Variants in ZNF462 observed in about 807,000 individuals in gnomAD.
The protein encoded by ZNF462 is zinc finger protein 462.
A neutral mutation model predicts 201.9 loss-of-function variants in ZNF462; 10 were observed. The ratio of observed to expected loss-of-function variants is 0.05; its 90% CI spans 0.03 to 0.08. The LOEUF (loss-of-function observed/expected upper bound fraction) is 0.08. ZNF462 is among the 10% of genes least tolerant of loss of function. The pLI, the probability that ZNF462 is intolerant of heterozygous loss-of-function variation, is 1.00. For synonymous variants in ZNF462, 1,227 were observed against 1,193.3 expected, an observed-to-expected ratio of 1.03 and a Z score of -0.58; for missense variants, 2,523 against 3,168.3, an observed-to-expected ratio of 0.80 and a Z score of 4.89.
intron 9 of ZNF462, among the ~76,000 whole-genome samples, chr9:106,980,887 G>A (rs1039399682): frequency 2.6e-5 from 4 of 152,160 alleles, no homozygotes; most frequent in Non-Finnish European, 5.9e-5. Context: ...CATAGAAAAA[G>A]CCCTGAGCAC....
chr9:106,953,019 A>T (rs1831420264), intron 7 of ZNF462, among the ~76,000 whole-genome samples: 2 of 152,178 alleles, frequency 1.3e-5, no homozygotes, highest in South Asian at 4.1e-4. Context: ...GGCAAATCTT[A>T]AAAAGGTTAT....
At position 106,924,012 on chromosome 9, in the gene ZNF462, G is replaced by T; in HGVS notation, c.221-121G>T. ...AATACTCTTCAAGGCCTCATCTTGA[G>T]ACTTCAGGCCTTTTGCATGTGATGT... On this transcript the variant is annotated intron_variant, in intron 2 of 12. Coordinates refer to ENST00000277225, the MANE Select transcript of ZNF462 (RefSeq NM_021224.6). This position sits in a 1 kb window ranked among gnomAD's most constrained non-coding sequence, Gnocchi z 6.2. 1.2e-6 allele frequency: 1 copy of T among 827,540 alleles called. No individual in the cohort carries two copies. Among genetic ancestry groups the T allele is most frequent in the Non-Finnish European group, 1.9e-6 (1 of 539,900 alleles). 51.3% of individuals were successfully genotyped at this position (827,540 alleles called of 1,614,324 possible).
Position 106,932,213 on chromosome 9 carries a change from T to C in ZNF462, c.6013-233T>C. Reference sequence around the variant, plus strand: ...AAAAGAAAGCTGGAGGCAATGATGATGGATATTTATTTTGTTGGTGGGGCA... The same window carrying C: ...AAAAGAAAGCTGGAGGCAATGATGACGGATATTTATTTTGTTGGTGGGGCA... On this transcript the variant is annotated intron_variant, in intron 4 of 12. Coordinates refer to ENST00000277225, the MANE Select transcript of ZNF462 (RefSeq NM_021224.6). The surrounding 1 kb of genome is among the most constrained non-coding windows in gnomAD (Gnocchi z 6.8). The C allele has an allele frequency of 6.5e-7, 1 of 1,544,552 alleles. No homozygotes were observed. The highest frequency in any genetic ancestry group is 8.7e-7 in the Non-Finnish European group (1 of 1,145,566).
Position 106,926,626 on chromosome 9 carries a change from A to T in ZNF462, c.2714A>T (p.Tyr905Phe). Residue 905 changes from tyrosine to phenylalanine, a missense_variant, in exon 3 of 13, where the codon TAT (tyrosine) becomes TTT (phenylalanine). Tyr to Phe is a conservative substitution (Grantham distance 22). This residue lies in a region of ZNF462 where 280 missense variants were observed against 321.3 expected (regional missense o/e 0.87). Coordinates refer to ENST00000277225, the MANE Select transcript of ZNF462 (RefSeq NM_021224.6). The surrounding 1 kb of genome is among the most constrained non-coding windows in gnomAD (Gnocchi z 7.9). Reference protein sequence around the residue: ...YTNFEDLQQHYGEHHPEAMNV... With the variant: ...YTNFEDLQQHFGEHHPEAMNV... The stretch of plus-strand genomic sequence containing the variant: ...AACTTCGAAGATCTCCAGCAGCATT[A>T]TGGCGAGCACCACCCAGAAGCCATG... 1 of 1,614,134 alleles carries T rather than the reference A, an allele frequency of 6.2e-7. No homozygotes were observed. The highest frequency in any genetic ancestry group is 8.5e-7 in the Non-Finnish European group (1 of 1,180,034).
chr9:107,011,091 G>A lies in ZNF462; in HGVS notation c.*61G>A. On this transcript the variant is annotated 3_prime_UTR_variant, in exon 13 of 13. Transcript: ENST00000277225. This position sits in a 1 kb window ranked among gnomAD's most constrained non-coding sequence, Gnocchi z 5.6. ...ACAGTGATGAAAAAGTGGGAGGGCT[G>A]GCTTGGGCTGAGAAGGGAGGGACAG... 6.4e-7 allele frequency: 1 copy of A among 1,557,322 alleles called. No individual in the cohort carries two copies.
chr9:106,998,983 G>A (rs1181640176), intron 10 of ZNF462, among the ~76,000 whole-genome samples: 1 of 152,164 alleles, frequency 6.6e-6, no homozygotes, highest in Non-Finnish European at 1.5e-5. Context: ...GACCTTGAGT[G>A]AATGGGCATT....
intron 10 of ZNF462, among the ~76,000 whole-genome samples, chr9:106,992,819 AT>A (rs1313952763): frequency 6.6e-6 from 1 of 152,082 alleles, no homozygotes; most frequent in Admixed American, 6.6e-5. Context: ...TAATAGATAA[AT>A]TTTATGGTAG....
chr9:107,007,585 G>A (rs781321796), intron 11 of ZNF462, among the ~76,000 whole-genome samples: 23 of 152,112 alleles, frequency 1.5e-4, no homozygotes, highest in Non-Finnish European at 2.9e-5. Context: ...CTTCCCCCTC[G>A]CCGATCCTTG....
Position 106,927,730 on chromosome 9 carries a change from C to G in ZNF462, c.3818C>G (p.Thr1273Ser), listed in dbSNP as rs536091643. The G allele has an allele frequency of 6.2e-7, 1 of 1,614,074 alleles. No homozygotes were observed. The change falls in exon 3 of 13, where the codon ACC (threonine) becomes AGC (serine). Residue 1273 changes from threonine to serine, a missense_variant. By Grantham distance (58) the Thr-to-Ser change is moderately conservative (BLOSUM62 1). Coordinates refer to ENST00000277225, the MANE Select transcript of ZNF462 (RefSeq NM_021224.6). ...CTCAAATGTAGGCAGTGCTCATATA[C>G]CTCCCCCTACTTCTATGCACTGAGG... is the stretch of plus-strand genomic sequence containing the variant. ...RALKCRQCSY[T>S]SPYFYALRKH...
rs1226775288 is a variant in ZNF462, at chr9:106,962,525, T to TCTTTGAG, written c.6428-9479_6428-9473dup. On this transcript the variant is annotated intron_variant, in intron 7 of 12. Coordinates refer to ENST00000277225, the MANE Select transcript of ZNF462 (RefSeq NM_021224.6). This position sits in a 1 kb window ranked among gnomAD's most constrained non-coding sequence, Gnocchi z 4.6. ...ACATGAGGCTTCACACAAAATAAGG[T>TCTTTGAG]CTTTGAGAAACCTTTTCAGTGAATG... Among the ~76,000 whole-genome samples, 2 of 151,862 alleles carry TCTTTGAG rather than the reference T, an allele frequency of 1.3e-5. No individual in the cohort carries two copies. Among genetic ancestry groups the TCTTTGAG allele is most frequent in the Non-Finnish European group, 2.9e-5 (2 of 67,952 alleles).
At position 106,880,342 on chromosome 9, in the gene ZNF462, C is replaced by T. The variant is rs1828036210; in HGVS notation, c.-31+16987C>T. Among the ~76,000 whole-genome samples the T allele has an allele frequency of 6.6e-6, 1 of 152,246 alleles. No homozygotes were observed. The highest frequency in any genetic ancestry group is 2.4e-5 in the African/African-American group (1 of 41,468). On this transcript the variant is annotated intron_variant, in intron 1 of 12. Transcript: ENST00000277225. This position sits in a 1 kb window ranked among gnomAD's most constrained non-coding sequence, Gnocchi z 4.1. The stretch of plus-strand genomic sequence containing the variant: ...AGACTGAACAGTTTGCCTGTGAGAA[C>T]TTAACAGTGCAGAAATGAATTCCTT...
intron 7 of ZNF462, among the ~76,000 whole-genome samples, chr9:106,956,625 A>G (rs1395652571): frequency 7.3e-6 from 1 of 137,434 alleles, no homozygotes; most frequent in African/African-American, 3.4e-5. Context: ...TCTTCTTCCA[A>G]TAAAAGTCTG....
chr9:106,875,764 A>G (rs992591959), intron 1 of ZNF462, among the ~76,000 whole-genome samples: 3 of 152,178 alleles, frequency 2.0e-5, no homozygotes, highest in Admixed American at 6.5e-5. Flanking sequence ...ACTGGGCCAG[A>G]TTGTCATTTG....
rs1303712508 is a variant in ZNF462, at chr9:107,012,109, T to C, written c.*1079T>C. 1 of 113,482 alleles carries C rather than the reference T, an allele frequency of 8.8e-6. No individual in the cohort carries two copies. Among genetic ancestry groups the C allele is most frequent in the Non-Finnish European group, 1.9e-5 (1 of 53,176 alleles). 7.0% of individuals were successfully genotyped at this position (113,482 alleles called of 1,614,324 possible). On this transcript the variant is annotated 3_prime_UTR_variant, in exon 13 of 13. Transcript: ENST00000277225. Reference sequence around the variant, plus strand: ...AATAACAAAGAAGTTAACTTTCTTTTTTTTTTTTTTTTTTTTTTTTAATTT... The same window carrying C: ...AATAACAAAGAAGTTAACTTTCTTTCTTTTTTTTTTTTTTTTTTTTAATTT...
intron 1 of ZNF462, among the ~76,000 whole-genome samples, chr9:106,868,791 G>T (rs1346782034): frequency 6.6e-6 from 1 of 152,152 alleles, no homozygotes; most frequent in Non-Finnish European, 1.5e-5. Flanking sequence ...GCATTTGATT[G>T]TTGAGGGTTG....
At chr9:106,986,707 C>T (rs1042205100) in intron 10 of ZNF462, among the ~76,000 whole-genome samples, 4 of 151,986 alleles carry the variant, frequency 2.6e-5, no homozygotes, top group African/African-American at 9.7e-5. Flanking sequence ...GATTTTGGTG[C>T]ACCCATCACC....
rs1400477228 is a variant in ZNF462, at chr9:106,928,239, G to A, written c.4327G>A (p.Glu1443Lys). 6.2e-7 allele frequency: 1 copy of A among 1,613,974 alleles called. No individual in the cohort carries two copies. Among genetic ancestry groups the A allele is most frequent in the Non-Finnish European group, 8.5e-7 (1 of 1,180,002 alleles). Residue 1443 changes from glutamate (E) to lysine (K), a missense_variant, in exon 3 of 13, where the codon GAA becomes AAA. This residue lies in a region of ZNF462 where 165 missense variants were observed against 142.6 expected (regional missense o/e 1.16). Transcript: ENST00000277225. This position sits in a 1 kb window ranked among gnomAD's most constrained non-coding sequence, Gnocchi z 9.3. Reference protein sequence around the residue: ...IPTPFPEQEAECPEDARLSPE... With the variant: ...IPTPFPEQEAKCPEDARLSPE... ...CACCCCTTTCCCGGAGCAGGAAGCT[G>A]AATGTCCAGAGGATGCAAGACTGTC...
At chr9:106,869,961 G>A (rs1298087315) in intron 1 of ZNF462, among the ~76,000 whole-genome samples, 2 of 152,010 alleles carry the variant, frequency 1.3e-5, no homozygotes, top group East Asian at 3.9e-4. Flanking sequence ...TGCACACACT[G>A]ATAAAAGGGA....
intron 1 of ZNF462, among the ~76,000 whole-genome samples, chr9:106,898,183 A>G (rs758253872): frequency 6.6e-6 from 1 of 152,232 alleles, no homozygotes. Flanking sequence ...AGAACAATGT[A>G]TGGGTTCTGG....
Sources: gnomAD v4.1 joint callset for allele counts (sites outside exome capture counted in the v4.1 genomes callset) on GRCh38, gnomAD v4.1.1 for gene constraint, gnomAD v4.1.1 regional missense constraint, Gnocchi (gnomAD v3.1) non-coding constraint, MANE v1.5 for transcripts, NCBI Gene and HGNC (gene_info 2026-07-23, HGNC 2026-07-21) for gene names.